ABCG2: variants seen among roughly 807,000 people sequenced by gnomAD.
ABCG2 encodes the protein ATP binding cassette subfamily G member 2 (JR blood group), also known as broad substrate specificity ATP-binding cassette transporter ABCG2.
A neutral mutation model predicts 73.5 loss-of-function variants in ABCG2; 80 were observed. The observed-to-expected ratio is 1.09, with a 90% confidence interval of 0.91 to 1.31. The LOEUF (loss-of-function observed/expected upper bound fraction) is 1.31. ABCG2 is among the 50% of genes most tolerant of loss of function. ABCG2 has a pLI of 0.00. For synonymous variants in ABCG2, 269 were observed against 282.4 expected (o/e 0.95, Z 0.48); for missense variants, 796 against 786.2 (o/e 1.01, Z -0.15).
intron 1 of ABCG2, among the ~76,000 whole-genome samples, chr4:88,194,317 G>A (rs1560749271): frequency 6.6e-6 from 1 of 151,640 alleles, no homozygotes. Flanking sequence ...TTGGGAGGCC[G>A]AGGCGGGCGG....
intron 9 of ABCG2, among the ~76,000 whole-genome samples, chr4:88,111,378 G>C (rs1464643240): frequency 6.6e-6 from 1 of 152,084 alleles, no homozygotes; most frequent in African/African-American, 2.4e-5. Flanking sequence ...CCAGTGTTCT[G>C]ACAGAAACAC....
intron 10 of ABCG2, 115 bp from the exon 11 acceptor site, chr4:88,101,434 A>T: frequency 2.2e-6 from 2 of 924,644 alleles, no homozygotes; most frequent in Non-Finnish European, 1.7e-6. Context: ...CAGGAAAAAA[A>T]GGGAAACTGT....
At chr4:88,092,516 AAC>A (rs1721705371) in intron 15 of ABCG2, 135 bp from the exon 16 acceptor site, 1 of 886,836 alleles carries the variant, frequency 1.1e-6, no homozygotes, top group African/African-American at 1.7e-5. Flanking sequence ...TATCATAGCT[AAC>A]AGTCATTGTG....
intron 1 of ABCG2, among the ~76,000 whole-genome samples, chr4:88,200,524 T>C (rs1296203649): frequency 1.3e-5 from 2 of 151,642 alleles, no homozygotes; most frequent in East Asian, 3.9e-4. Context: ...TCAATAAAGG[T>C]CAGAAAATGA....
chr4:88,193,933 T>C (rs539787872), intron 1 of ABCG2, among the ~76,000 whole-genome samples: 15 of 152,030 alleles, frequency 9.9e-5, no homozygotes, highest in Non-Finnish European at 1.9e-4. Context: ...TTAATAGAGA[T>C]GGGGTTTCAC....
At chr4:88,192,887 A>G (rs1001347388) in intron 1 of ABCG2, among the ~76,000 whole-genome samples, 4 of 147,094 alleles carry the variant, frequency 2.7e-5, no homozygotes, top group Non-Finnish European at 6.0e-5. Flanking sequence ...AATTTTTTGT[A>G]TTTTTAGTAA....
At chr4:88,117,498 A>C (rs912365665) in intron 7 of ABCG2, among the ~76,000 whole-genome samples, 1 of 151,880 alleles carries the variant, frequency 6.6e-6, no homozygotes, top group African/African-American at 2.4e-5. Flanking sequence ...TTAGCCGGGC[A>C]TGGTTGTGGG....
chr4:88,115,934 T>C (rs948132862), intron 7 of ABCG2, among the ~76,000 whole-genome samples: 4 of 152,070 alleles, frequency 2.6e-5, no homozygotes, highest in Non-Finnish European at 5.9e-5. Flanking sequence ...ATGGCTCACA[T>C]CTGTAATACT....
intron 1 of ABCG2, among the ~76,000 whole-genome samples, chr4:88,227,919 A>C (rs1020884699): frequency 6.6e-6 from 1 of 152,192 alleles, no homozygotes; most frequent in African/African-American, 2.4e-5. Flanking sequence ...ACTAAGAGCA[A>C]ACCAGCGTTG....
chr4:88,180,660 G>A (rs957268249), intron 1 of ABCG2, among the ~76,000 whole-genome samples: 29 of 152,072 alleles, frequency 1.9e-4, no homozygotes, highest in African/African-American at 6.8e-4. Context: ...GCTGAGGTGG[G>A]GGGGCTCACT....
In ABCG2 at chr4:88,230,344, TA is replaced by T. The variant is rs1417108404; in HGVS notation, c.-20+649del. Among the ~76,000 whole-genome samples, 36 of 128,130 alleles carry T rather than the reference TA, an allele frequency of 2.8e-4. 1 individual carries two copies. The highest frequency in any genetic ancestry group is 1.1e-3 in the East Asian group (5 of 4,368). 84.1% of individuals were successfully genotyped at this position (128,130 alleles called of 152,430 possible). A position where few individuals can be genotyped will look rare whatever the true frequency, so the allele number is the denominator to read the frequency against. Reference sequence around the variant, plus strand: ...GGCCACATATATATATATATATATATATTTTTTGAGACGGAGTCTCGCACTG... The same window carrying T: ...GGCCACATATATATATATATATATATTTTTTTGAGACGGAGTCTCGCACTG... On this transcript the variant is annotated intron_variant, in intron 1 of 15. Coordinates refer to the ABCG2 transcript ENST00000515655.
rs745841057 is a variant in ABCG2 at position 88,121,643 on chromosome 4, G to A, written c.681C>T (p.Leu227=). 1 of 1,613,356 alleles carries A rather than the reference G, an allele frequency of 6.2e-7. No homozygotes were observed. The highest frequency in any genetic ancestry group is 8.5e-7 in the Non-Finnish European group (1 of 1,179,772). Residue 227 remains leucine, a synonymous_variant, in exon 6 of 16, where the codon CTC becomes CTT. Transcript: ENST00000237612. ...DSSTANAVLL[L]LKRMSKQGRT... ...GTTTCCAGAGCATTTACCTTTTCAGGAGCAAAAGGACAGCATTTGCTGTGC... is the reference window on the plus strand; with the variant it reads ...GTTTCCAGAGCATTTACCTTTTCAGAAGCAAAAGGACAGCATTTGCTGTGC...
intron 2 of ABCG2, among the ~76,000 whole-genome samples, chr4:88,138,484 C>A (rs956747593): frequency 6.6e-6 from 1 of 152,166 alleles, no homozygotes; most frequent in Non-Finnish European, 1.5e-5. Context: ...AGAGGAAAAA[C>A]CAAAATCAAA....
At chr4:88,145,809 G>A (rs1167632317) in intron 1 of ABCG2, among the ~76,000 whole-genome samples, 3 of 146,830 alleles carry the variant, frequency 2.0e-5, no homozygotes, top group East Asian at 4.2e-4. Context: ...GCGTGGTGGT[G>A]TGCATTTTTG....
chr4:88,227,395 CAAAATAAATAAAT>C (rs965903593), intron 1 of ABCG2, among the ~76,000 whole-genome samples: 3 of 152,150 alleles, frequency 2.0e-5, no homozygotes, highest in African/African-American at 7.2e-5. Flanking sequence ...AACTCTGTCT[CAAAATAAATAAAT>C]AAAATAAATA....
chr4:88,213,652 A>G (rs1399123659), intron 1 of ABCG2, among the ~76,000 whole-genome samples: 1 of 151,604 alleles, frequency 6.6e-6, no homozygotes, highest in East Asian at 1.9e-4. Context: ...CTCTCCACTG[A>G]TTTGTTTCCC....
intron 1 of ABCG2, among the ~76,000 whole-genome samples, chr4:88,141,375 C>A (rs1725632008): frequency 6.6e-6 from 1 of 152,114 alleles, no homozygotes; most frequent in African/African-American, 2.4e-5. Context: ...ACAGCTCAGA[C>A]AAACCAAGCA....
At chr4:88,153,762 G>A (rs1294169701) in intron 1 of ABCG2, among the ~76,000 whole-genome samples, 1 of 152,098 alleles carries the variant, frequency 6.6e-6, no homozygotes, top group African/African-American at 2.4e-5. Flanking sequence ...AGACCAAGAA[G>A]TATTTTAGTT....
At chr4:88,155,901 C>CA (rs1045462067) in intron 1 of ABCG2, among the ~76,000 whole-genome samples, 159 of 142,402 alleles carry the variant, frequency 1.1e-3, no homozygotes, top group African/African-American at 2.8e-3. Context: ...GACTCCATCT[C>CA]AAAAAAAAAA....
Sources: allele counts gnomAD v4.1 joint callset (sites outside exome capture counted in the v4.1 genomes callset), GRCh38; gene constraint gnomAD v4.1.1; transcripts MANE v1.5; gene names NCBI Gene and HGNC (gene_info 2026-07-23, HGNC 2026-07-21).